The following ZNF90 variants were observed in gnomAD, a reference collection of about 807,000 sequenced individuals.
ZNF90 encodes zinc finger protein HTF9.
In ZNF90, 11 loss-of-function variants were observed where a neutral mutation model predicts 12.0. The observed-to-expected ratio is 0.92, with a 90% CI of 0.58 to 1.52. The LOEUF (loss-of-function observed/expected upper bound fraction) is 1.52. Among genes scored for constraint, ZNF90 ranks in the 40% most tolerant of loss-of-function variants. The probability of loss-of-function intolerance (pLI) is 0.00; values close to 1 mark genes in which losing one functional copy is unlikely to be tolerated. For missense variants in ZNF90, 765 were observed against 711.5 expected, an observed-to-expected ratio of 1.08 and a Z score of -0.86; for synonymous variants, 232 against 240.1, an observed-to-expected ratio of 0.97 and a Z score of 0.31.
chr19:20,117,186 G>T (rs531713445), intron 3 of ZNF90, among the ~76,000 whole-genome samples: 179 of 151,898 alleles, frequency 1.2e-3, no homozygotes, highest in Non-Finnish European at 2.3e-3. Context: ...AGGATTACAG[G>T]TACCTGTTAC....
chr19:20,095,614 G>A lies in ZNF90; in HGVS notation c.4-8625G>A, dbSNP rs556010158. The stretch of plus-strand genomic sequence containing the variant: ...TTGGGGCACAGAGATAAGAGGTTGG[G>A]CTGCAGAAATAAGGGATTGGGGCAC... On this transcript the variant is annotated intron_variant, in intron 1 of 3. Coordinates refer to ENST00000418063, the MANE Select transcript of ZNF90 (RefSeq NM_007138.2). Among the ~76,000 whole-genome samples the A allele has an allele frequency of 3.3e-5, 5 of 152,000 alleles. No individual in the cohort carries two copies. In the South Asian group the frequency reaches 8.3e-4, roughly 25 times the overall value.
chr19:20,113,154 G>T (rs2089104497), intron 3 of ZNF90, among the ~76,000 whole-genome samples: 1 of 151,646 alleles, frequency 6.6e-6, no homozygotes, highest in Non-Finnish European at 1.5e-5. Context: ...TGTTTGTTGT[G>T]TAGGTTTGTT....
chr19:20,103,318 G>A (rs1215197342), intron 1 of ZNF90, among the ~76,000 whole-genome samples: 5 of 152,170 alleles, frequency 3.3e-5, no homozygotes, highest in Non-Finnish European at 1.5e-5. Context: ...AGCCTAGGAG[G>A]GCTAGAAGCA....
At chr19:20,086,919 TG>T (rs2088863972) in intron 1 of ZNF90, 1 of 152,242 alleles carries the variant, frequency 6.6e-6, no homozygotes. Context: ...ACAGGTGATG[TG>T]GCCACCCAAA....
At chr19:20,096,531 G>A (rs2088947704) in intron 1 of ZNF90, among the ~76,000 whole-genome samples, 2 of 152,046 alleles carry the variant, frequency 1.3e-5, no homozygotes, top group African/African-American at 2.4e-5. Context: ...GGGCAGGAGT[G>A]GGGGTCGCAA....
chr19:20,083,987 C>T (rs1025442920), intron 1 of ZNF90, among the ~76,000 whole-genome samples: 1 of 152,168 alleles, frequency 6.6e-6, no homozygotes. Context: ...AACTTCTAAA[C>T]TCAGGCAATC....
chr19:20,103,978 G>T (rs8102286), intron 1 of ZNF90, among the ~76,000 whole-genome samples: 2,367 of 152,230 alleles, frequency 0.016, 22 homozygotes, highest in Non-Finnish European at 0.025. Context: ...ACATGTTCAT[G>T]TTCATGCCCT....
At chr19:20,087,410 G>T (rs2088867482) in intron 1 of ZNF90, 1 of 152,296 alleles carries the variant, frequency 6.6e-6, no homozygotes, top group Non-Finnish European at 1.5e-5. Context: ...AGCTTTTGGA[G>T]CTATCTCTAT....
intron 3 of ZNF90, among the ~76,000 whole-genome samples, chr19:20,112,631 AC>A (rs2122520606): frequency 6.6e-6 from 1 of 152,250 alleles, no homozygotes; most frequent in Non-Finnish European, 1.5e-5. Flanking sequence ...CTCTTGTAGT[AC>A]ATCTTGTAGG....
chr19:20,078,019 C>T lies in ZNF90; in HGVS notation c.-114C>T, dbSNP rs749083313. 2.9e-6 allele frequency: 4 copies of T among 1,378,568 alleles called. No individual in the cohort carries two copies. The highest frequency in any genetic ancestry group is 4.1e-6 in the Non-Finnish European group (4 of 966,732). The allele number at this position is 1,378,568 out of a possible 1,614,324, so 85.4% of individuals were successfully genotyped here. ...CGCGGCCATTTGTCTCTTGCTGCAG[C>T]TGGTGCTCCAAATCTGGTCTTAGCT... On this transcript the variant is annotated 5_prime_UTR_variant, in exon 1 of 4. Transcript: ENST00000418063.
intron 1 of ZNF90, among the ~76,000 whole-genome samples, chr19:20,098,940 G>A (rs568239007): frequency 8.6e-5 from 13 of 152,036 alleles, no homozygotes; most frequent in African/African-American, 3.1e-4. Context: ...TAAGCTAGTT[G>A]CTTCCATTTC....
chr19:20,088,235 G>A (rs183954560), intron 1 of ZNF90, among the ~76,000 whole-genome samples: 17 of 151,996 alleles, frequency 1.1e-4, no homozygotes, highest in African/African-American at 2.4e-4. Flanking sequence ...GAGAATGGGC[G>A]ATGTTTCTCA....
Position 20,104,224 on chromosome 19 carries a change from A to G in ZNF90, c.4-15A>G, listed in dbSNP as rs2089011766. Reference sequence around the variant, plus strand: ...ACTTGGTAAAAATGTGTGTGTGTATATGTGTGTTTTTCAGGGACCATTGGA... The same window carrying G: ...ACTTGGTAAAAATGTGTGTGTGTATGTGTGTGTTTTTCAGGGACCATTGGA... On this transcript the variant is annotated splice_polypyrimidine_tract_variant and intron_variant, in intron 1 of 3. Coordinates refer to ENST00000418063, the MANE Select transcript of ZNF90 (RefSeq NM_007138.2). The G allele has an allele frequency of 1.2e-6, 2 of 1,613,268 alleles. No homozygotes were observed. Among genetic ancestry groups the G allele is most frequent in the Non-Finnish European group, 8.5e-7 (1 of 1,179,524 alleles).
At chr19:20,089,904 G>A (rs533226198) in intron 1 of ZNF90, among the ~76,000 whole-genome samples, 1 of 152,260 alleles carries the variant, frequency 6.6e-6, no homozygotes, top group South Asian at 2.1e-4. Context: ...AGGAGAGAAT[G>A]GGTAAGGTTG....
chr19:20,088,208 G>C (rs2088875181), intron 1 of ZNF90, among the ~76,000 whole-genome samples: 1 of 151,886 alleles, frequency 6.6e-6, no homozygotes, highest in Non-Finnish European at 1.5e-5. Flanking sequence ...AAAAATTTTT[G>C]GGGGGTGGTA....
chr19:20,117,185 G>A (rs2089145475), intron 3 of ZNF90, among the ~76,000 whole-genome samples: 3 of 151,592 alleles, frequency 2.0e-5, no homozygotes, highest in African/African-American at 2.4e-5. Context: ...TAGGATTACA[G>A]GTACCTGTTA....
chr19:20,119,107 T>G lies in ZNF90; in HGVS notation c.1553T>G (p.Phe518Cys), dbSNP rs1555706256. Residue 518 changes from phenylalanine to cysteine, a missense_variant, in exon 4 of 4, where the codon TTC becomes TGC. By Grantham distance (205) the Phe-to-Cys change is radical. Coordinates refer to ENST00000418063, the MANE Select transcript of ZNF90 (RefSeq NM_007138.2). ...AAATGTGAAGAATGTGGCAAAGCCT[T>G]CAAGCGCTCCTCAGTCCTTAGTAAA... Reference protein sequence around the residue: ...PYKCEECGKAFKRSSVLSKHK... With the variant: ...PYKCEECGKACKRSSVLSKHK... 1.2e-6 allele frequency: 2 copies of G among 1,613,022 alleles called. No individual in the cohort carries two copies. The highest frequency in any genetic ancestry group is 4.5e-5 in the East Asian group (2 of 44,824).
At chr19:20,101,785 T>G (rs1207451546) in intron 1 of ZNF90, among the ~76,000 whole-genome samples, 1 of 152,202 alleles carries the variant, frequency 6.6e-6, no homozygotes, top group Admixed American at 6.5e-5. Flanking sequence ...TGGCTTTTCT[T>G]CAGGTAAACA....
Position 20,118,665 on chromosome 19 carries a change from T to A in ZNF90, c.1111T>A (p.Cys371Ser). 6.4e-7 allele frequency: 1 copy of A among 1,568,282 alleles called. No homozygotes were observed. Among genetic ancestry groups the A allele is most frequent in the Non-Finnish European group, 8.6e-7 (1 of 1,157,462 alleles). ...TCATACTGGAGAGAAACCCTACAAG[T>A]GTGATAAATGTGGCAAAGCATTTAT... ...RIHTGEKPYK[C>S]DKCGKAFISS... The change falls in exon 4 of 4, where the codon TGT becomes AGT. Residue 371 changes from cysteine (C) to serine (S), a missense_variant. By Grantham distance (112) the Cys-to-Ser change is moderately radical. Transcript: ENST00000418063.
Sources: gnomAD v4.1 joint callset for allele counts (sites outside exome capture counted in the v4.1 genomes callset) on GRCh38, gnomAD v4.1.1 for gene constraint, MANE v1.5 for transcripts, NCBI Gene and HGNC (gene_info 2026-07-23, HGNC 2026-07-21) for gene names.